Variants in CCBE1 observed in about 807,000 individuals in gnomAD.
CCBE1 encodes collagen and calcium-binding EGF domain-containing protein 1.
Under a neutral mutation model 50.0 loss-of-function variants are expected in CCBE1, and 37 were observed. The ratio of observed to expected loss-of-function variants is 0.74; its 90% CI spans 0.57 to 0.97. The LOEUF (loss-of-function observed/expected upper bound fraction) is 0.97. CCBE1 is among the 50% of genes least tolerant of loss of function. CCBE1 has a pLI of 0.00. For synonymous variants in CCBE1, 234 were observed against 203.7 expected, an observed-to-expected ratio of 1.15 and a Z score of -1.27; for missense variants, 538 against 523.8, an observed-to-expected ratio of 1.03 and a Z score of -0.26.
rs183109203 is a variant in CCBE1, at chr18:59,692,109, G to A, written c.212+4520C>T. ...CATCTGCAAACGAGTGATGTTTCTGGCTGTGGTCTCAAATTGCTCTTTCAA... is the reference window on the plus strand; with the variant it reads ...CATCTGCAAACGAGTGATGTTTCTGACTGTGGTCTCAAATTGCTCTTTCAA... On this transcript the variant is annotated intron_variant, in intron 2 of 10. Coordinates refer to ENST00000439986, the MANE Select transcript of CCBE1 (RefSeq NM_133459.4). Among the ~76,000 whole-genome samples the A allele has an allele frequency of 4.9e-4, 75 of 152,260 alleles. No homozygotes were observed. In the South Asian group the frequency reaches 7.3e-3, roughly 15 times the overall value.
chr18:59,625,455 T>G (rs1476346302), intron 2 of CCBE1, among the ~76,000 whole-genome samples: 2 of 117,068 alleles, frequency 1.7e-5, no homozygotes, highest in South Asian at 2.6e-4. Context: ...AAAAAAAAAA[T>G]TGTAGCCATA....
chr18:59,454,256 T>C (rs1284617428), intron 6 of CCBE1, among the ~76,000 whole-genome samples: 2 of 152,106 alleles, frequency 1.3e-5, no homozygotes. Flanking sequence ...CCTAGAAATT[T>C]GTTTTGAGTT....
Position 59,480,175 on chromosome 18 carries a change from A to G in CCBE1, c.265+11T>C, listed in dbSNP as rs890767175. On this transcript the variant is annotated intron_variant, in intron 3 of 10. Coordinates refer to ENST00000439986, the MANE Select transcript of CCBE1 (RefSeq NM_133459.4). ...AATAAAGTCAGACAATATCTTTTTT[A>G]TATTACATACCTTCTGGGATGCATT... The G allele has an allele frequency of 6.5e-7, 1 of 1,545,838 alleles. No individual in the cohort carries two copies. Among genetic ancestry groups the G allele is most frequent in the Non-Finnish European group, 8.9e-7 (1 of 1,118,862 alleles).
rs1488774981 is a variant in CCBE1 at position 59,696,382 on chromosome 18, G to A, written c.212+247C>T. On this transcript the variant is annotated intron_variant, in intron 2 of 10. Transcript: ENST00000439986. ...CACAGACTTCCACACAAGTATTTCA[G>A]GGAGCGGCAACCATCCTCAGGATCT... 1.1e-5 allele frequency: 11 copies of A among 972,648 alleles called. No homozygotes were observed. The Admixed American group carries it at 2.4e-4, about 21-fold the overall frequency. 60.3% of individuals were successfully genotyped at this position (972,648 alleles called of 1,614,324 possible).
rs1418975200 is a variant in CCBE1, at chr18:59,697,385, G to T, written c.-43C>A. The T allele has an allele frequency of 6.5e-7, 1 of 1,534,974 alleles. No individual in the cohort carries two copies. The highest frequency in any genetic ancestry group is 1.4e-5 in the African/African-American group (1 of 72,770). On this transcript the variant is annotated 5_prime_UTR_variant, in exon 1 of 11. Coordinates refer to ENST00000439986, the MANE Select transcript of CCBE1 (RefSeq NM_133459.4). The stretch of plus-strand genomic sequence containing the variant: ...TCTTCCCAGCGCCGAGCTCCGTCCG[G>T]ACCAAGCGTCCTGCTCCTCCGCGGC...
chr18:59,513,911 T>C (rs1914248262), intron 2 of CCBE1, among the ~76,000 whole-genome samples: 3 of 152,086 alleles, frequency 2.0e-5, no homozygotes, highest in African/African-American at 7.2e-5. Flanking sequence ...ATGCCACACT[T>C]GGGCCATCAC....
At chr18:59,655,820 A>G (rs1349828927) in intron 2 of CCBE1, among the ~76,000 whole-genome samples, 1 of 152,220 alleles carries the variant, frequency 6.6e-6, no homozygotes, top group Non-Finnish European at 1.5e-5. Context: ...CACAAGTTCC[A>G]GAGGACTTTC....
intron 5 of CCBE1, among the ~76,000 whole-genome samples, chr18:59,460,064 T>C (rs1911388287): frequency 6.6e-6 from 1 of 152,172 alleles, no homozygotes; most frequent in Non-Finnish European, 1.5e-5. Context: ...CCTTAATTTG[T>C]CTCCCTATTG....
chr18:59,596,070 C>A (rs544336357), intron 2 of CCBE1, among the ~76,000 whole-genome samples: 1 of 152,308 alleles, frequency 6.6e-6, no homozygotes, highest in South Asian at 2.1e-4. Context: ...CCCACATGAA[C>A]AATTTTGTTT....
intron 2 of CCBE1, among the ~76,000 whole-genome samples, chr18:59,551,035 G>GAAAAGAAAAA (rs1915909135): frequency 1.0e-5 from 1 of 100,490 alleles, no homozygotes; most frequent in African/African-American, 3.6e-5. Flanking sequence ...AAAAAGAAAA[G>GAAAAGAAAAA]AAAAGAAAAG....
At chr18:59,598,513 T>C (rs145776507) in intron 2 of CCBE1, among the ~76,000 whole-genome samples, 34 of 152,344 alleles carry the variant, frequency 2.2e-4, no homozygotes, top group African/African-American at 7.7e-4. Context: ...GAATGCTGTT[T>C]CTAGCTCTCC....
At chr18:59,466,467 A>G (rs1391306182) in intron 5 of CCBE1, among the ~76,000 whole-genome samples, 1 of 151,982 alleles carries the variant, frequency 6.6e-6, no homozygotes, top group Non-Finnish European at 1.5e-5. Flanking sequence ...TTTATAAATT[A>G]CCCAGTCTTG....
At chr18:59,455,693 T>C (rs1302660532) in intron 5 of CCBE1, among the ~76,000 whole-genome samples, 1 of 152,258 alleles carries the variant, frequency 6.6e-6, no homozygotes, top group Non-Finnish European at 1.5e-5. Context: ...TACTTAAGCC[T>C]GCATGCTGGG....
At chr18:59,447,559 G>A (rs953305220) in intron 7 of CCBE1, among the ~76,000 whole-genome samples, 2 of 152,154 alleles carry the variant, frequency 1.3e-5, no homozygotes, top group African/African-American at 4.8e-5. Flanking sequence ...AAGGAAAGGT[G>A]GAAGGAAGAC....
At chr18:59,461,729 C>CTTTTTTTTT (rs36013463) in intron 5 of CCBE1, among the ~76,000 whole-genome samples, 7 of 109,318 alleles carry the variant, frequency 6.4e-5, no homozygotes, top group African/African-American at 2.2e-4. Context: ...CAGGTGTAAT[C>CTTTTTTTTT]TTTTTTTTTT....
At chr18:59,467,009 G>A in intron 4 of CCBE1, 118 bp from the exon 5 acceptor site, 1 of 871,308 alleles carries the variant, frequency 1.1e-6, no homozygotes, top group Non-Finnish European at 1.9e-6. Context: ...GGCCGACCTT[G>A]ATCAGAGCAG....
At chr18:59,538,605 G>A (rs1189935358) in intron 2 of CCBE1, among the ~76,000 whole-genome samples, 3 of 151,950 alleles carry the variant, frequency 2.0e-5, no homozygotes, top group Admixed American at 6.6e-5. Context: ...ATGACATCCT[G>A]GGGAAAAAAA....
chr18:59,693,258 ATAGCAT>A (rs112343515), intron 2 of CCBE1, among the ~76,000 whole-genome samples: 7,966 of 152,214 alleles, frequency 0.052, 682 homozygotes, highest in African/African-American at 0.18. Flanking sequence ...AGGGGAGGTG[ATAGCAT>A]TAGCATTGCT....
At position 59,551,306 on chromosome 18, in the gene CCBE1, A is replaced by G. The variant is rs188311744; in HGVS notation, c.213-71068T>C. Among the ~76,000 whole-genome samples, 19 of 152,324 alleles carry G rather than the reference A, an allele frequency of 1.2e-4. No homozygotes were observed. The East Asian group carries it at 3.3e-3, about 26-fold the overall frequency. On this transcript the variant is annotated intron_variant, in intron 2 of 10. Transcript: ENST00000439986. Reference sequence around the variant, plus strand: ...GCAACATAGAAAAGGTACAGTAAACATATAAAAAATGATATACCTATTACC... The same window carrying G: ...GCAACATAGAAAAGGTACAGTAAACGTATAAAAAATGATATACCTATTACC...
Sources: gnomAD v4.1 joint callset for allele counts (sites outside exome capture counted in the v4.1 genomes callset) on GRCh38, gnomAD v4.1.1 for gene constraint, MANE v1.5 for transcripts, NCBI Gene and HGNC (gene_info 2026-07-23, HGNC 2026-07-21) for gene names.